The following SLC25A21 variants were observed in gnomAD, a reference collection of about 807,000 sequenced individuals.
SLC25A21 encodes the protein solute carrier family 25 member 21.
A neutral mutation model predicts 43.8 loss-of-function variants in SLC25A21; 47 were observed. The observed-to-expected ratio is 1.07, with a 90% CI of 0.85 to 1.37. The LOEUF (loss-of-function observed/expected upper bound fraction) is 1.37. Ranked by LOEUF, SLC25A21 falls within the 40% of genes most tolerant of loss-of-function variation. The pLI is 0.00. For synonymous variants in SLC25A21, 131 were observed against 121.3 expected, an observed-to-expected ratio of 1.08 and a Z score of -0.52; for missense variants, 352 against 350.2, an observed-to-expected ratio of 1.00 and a Z score of -0.04.
At chr14:36,758,128 T>C (rs1336973406) in intron 3 of SLC25A21, among the ~76,000 whole-genome samples, 3 of 152,172 alleles carry the variant, frequency 2.0e-5, no homozygotes, top group African/African-American at 7.2e-5. Flanking sequence ...TGGTGAACTC[T>C]TACCCTGGTG....
At chr14:36,923,058 G>T (rs1424394257) in intron 1 of SLC25A21, among the ~76,000 whole-genome samples, 1 of 151,988 alleles carries the variant, frequency 6.6e-6, no homozygotes, top group East Asian at 1.9e-4. Flanking sequence ...TTTTAGAGCA[G>T]CTATAATAAA....
At chr14:36,874,609 G>A (rs1330702432) in intron 2 of SLC25A21, among the ~76,000 whole-genome samples, 1 of 152,162 alleles carries the variant, frequency 6.6e-6, no homozygotes, top group Non-Finnish European at 1.5e-5. Flanking sequence ...ATAGAGATCT[G>A]TTAGGCAATG....
At chr14:36,694,202 G>C (rs1377874020) in intron 7 of SLC25A21, among the ~76,000 whole-genome samples, 1 of 152,080 alleles carries the variant, frequency 6.6e-6, no homozygotes, top group Admixed American at 6.5e-5. Context: ...TCAGAATGAC[G>C]GTTTCCAGCT....
At chr14:36,948,091 G>A (rs1033996844) in intron 1 of SLC25A21, among the ~76,000 whole-genome samples, 1 of 152,158 alleles carries the variant, frequency 6.6e-6, no homozygotes, top group Non-Finnish European at 1.5e-5. Context: ...GCACACATCA[G>A]TTTAGAAATC....
chr14:36,681,753 T>C (rs1469076043), intron 9 of SLC25A21, among the ~76,000 whole-genome samples: 5 of 152,224 alleles, frequency 3.3e-5, no homozygotes, highest in Non-Finnish European at 7.4e-5. Flanking sequence ...TTTTAATCTA[T>C]AGGCTGCACA....
chr14:36,715,609 C>T (rs1884093374), intron 6 of SLC25A21, among the ~76,000 whole-genome samples: 1 of 152,196 alleles, frequency 6.6e-6, no homozygotes, highest in Non-Finnish European at 1.5e-5. Context: ...CCTTCATTGA[C>T]TGCACCCAAT....
intron 6 of SLC25A21, among the ~76,000 whole-genome samples, chr14:36,719,314 T>G (rs1441553784): frequency 1.3e-5 from 2 of 152,210 alleles, no homozygotes; most frequent in African/African-American, 4.8e-5. Flanking sequence ...AAAGTCACAT[T>G]GGCAAGACTG....
At chr14:36,952,840 G>C (rs1179596460) in intron 1 of SLC25A21, among the ~76,000 whole-genome samples, 1 of 152,164 alleles carries the variant, frequency 6.6e-6, no homozygotes, top group East Asian at 1.9e-4. Flanking sequence ...GCTTGGGTTT[G>C]GTTCCCAAGT....
chr14:36,992,488 C>G (rs1016612436), intron 1 of SLC25A21, among the ~76,000 whole-genome samples: 1 of 152,038 alleles, frequency 6.6e-6, no homozygotes, highest in Non-Finnish European at 1.5e-5. Context: ...AGAAAGGCGC[C>G]TTTTTACATC....
chr14:36,803,070 C>G (rs17105378), intron 3 of SLC25A21, among the ~76,000 whole-genome samples: 2,026 of 152,248 alleles, frequency 0.013, 45 homozygotes, highest in African/African-American at 0.045. Context: ...ATTGTCAAAT[C>G]ATTGTAAAGA....
intron 2 of SLC25A21, among the ~76,000 whole-genome samples, chr14:36,845,956 T>C (rs1889528237): frequency 6.6e-6 from 1 of 152,208 alleles, no homozygotes; most frequent in Admixed American, 6.5e-5. Context: ...GGGGGTTTGT[T>C]TGAGGGAAAT....
At chr14:37,103,727 T>C (rs139431055) in intron 1 of SLC25A21, among the ~76,000 whole-genome samples, 135 of 152,268 alleles carry the variant, frequency 8.9e-4, no homozygotes, top group African/African-American at 3.1e-3. Context: ...CTAATCTGAC[T>C]ATCCAAAAGT....
chr14:36,877,649 G>T (rs1473110860), intron 1 of SLC25A21, among the ~76,000 whole-genome samples: 2 of 152,148 alleles, frequency 1.3e-5, no homozygotes, highest in African/African-American at 4.8e-5. Flanking sequence ...CCCTGACCTA[G>T]CATGGGAGCA....
intron 3 of SLC25A21, among the ~76,000 whole-genome samples, chr14:36,773,282 ACTC>A (rs1886693975): frequency 6.6e-6 from 1 of 152,144 alleles, no homozygotes; most frequent in Middle Eastern, 3.4e-3. Context: ...GACCCGTCAG[ACTC>A]TGCTGTGATA....
chr14:36,891,991 T>C (rs571920449), intron 1 of SLC25A21, among the ~76,000 whole-genome samples: 2 of 152,298 alleles, frequency 1.3e-5, no homozygotes, highest in African/African-American at 4.8e-5. Context: ...CTTAAGCCAC[T>C]ATATTGTTAG....
intron 3 of SLC25A21, among the ~76,000 whole-genome samples, chr14:36,782,645 C>T (rs966450938): frequency 1.4e-4 from 22 of 152,166 alleles, no homozygotes; most frequent in African/African-American, 5.1e-4. Context: ...GTACCTGTTC[C>T]ATCTCTCTTG....
At chr14:36,877,538 T>C (rs960842786) in intron 1 of SLC25A21, among the ~76,000 whole-genome samples, 2 of 152,106 alleles carry the variant, frequency 1.3e-5, no homozygotes, top group Non-Finnish European at 2.9e-5. Context: ...GTATTGAGGA[T>C]AGAGTCTAGT....
chr14:36,990,904 CA>C (rs145476666), intron 1 of SLC25A21, among the ~76,000 whole-genome samples: 284 of 141,352 alleles, frequency 2.0e-3, no homozygotes, highest in Middle Eastern at 7.4e-3. Flanking sequence ...GACCCTGCTT[CA>C]AAAAAAAAAA....
intron 1 of SLC25A21, among the ~76,000 whole-genome samples, chr14:37,028,646 T>C (rs1018473305): frequency 6.6e-6 from 1 of 152,168 alleles, no homozygotes; most frequent in Non-Finnish European, 1.5e-5. Context: ...CTTAGATGTA[T>C]GAATAAAAAA....
Sources: gnomAD v4.1 joint callset for allele counts (sites outside exome capture counted in the v4.1 genomes callset) on GRCh38, gnomAD v4.1.1 for gene constraint, MANE v1.5 for transcripts, NCBI Gene and HGNC (gene_info 2026-07-23, HGNC 2026-07-21) for gene names.